Variants in TMEM144 observed in about 807,000 individuals in gnomAD.
The protein encoded by TMEM144 is transmembrane protein 144.
Under a neutral mutation model 43.6 loss-of-function variants are expected in TMEM144, and 39 were observed. The ratio of observed to expected loss-of-function variants is 0.90; its 90% CI spans 0.69 to 1.17. The LOEUF is 1.17. Ranked by LOEUF, TMEM144 falls within the 50% of genes most tolerant of loss-of-function variation. The probability of loss-of-function intolerance (pLI) is 0.00; values close to 1 mark genes in which losing one functional copy is unlikely to be tolerated. For synonymous variants in TMEM144, 154 were observed against 133.6 expected (o/e 1.15, Z -1.06); for missense variants, 417 against 411.9 (o/e 1.01, Z -0.11).
chr4:158,222,439 C>T (rs1435616146), intron 6 of TMEM144, among the ~76,000 whole-genome samples: 3 of 152,198 alleles, frequency 2.0e-5, no homozygotes, highest in Non-Finnish European at 1.5e-5. Context: ...GCCTTGAAAG[C>T]CTTTTCCTCA....
At chr4:158,211,321 T>C (rs1277926546) in intron 1 of TMEM144, 132 bp from the exon 2 acceptor site, 1 of 152,238 alleles carries the variant, frequency 6.6e-6, no homozygotes, top group African/African-American at 2.4e-5. Flanking sequence ...ATAAAATAAT[T>C]TGCCACTCTT....
rs1305744709 is a variant in TMEM144 at position 158,219,391 on chromosome 4, G to A, written c.413+1G>A. 6.2e-7 allele frequency: 1 copy of A among 1,612,798 alleles called. No individual in the cohort carries two copies. Among genetic ancestry groups the A allele is most frequent in the African/African-American group, 1.3e-5 (1 of 74,896 alleles). ...TTGGAGCTGGGCTATCAGTAGTAAG[G>A]TACACAGTCATTTCTAGTGATTTTG... On this transcript the variant is annotated splice_donor_variant, in intron 6 of 12. Coordinates refer to ENST00000296529, the MANE Select transcript of TMEM144 (RefSeq NM_018342.5). LOFTEE classifies it high-confidence loss of function.
intron 3 of TMEM144, among the ~76,000 whole-genome samples, chr4:158,214,350 G>A (rs776076354): frequency 6.6e-6 from 1 of 152,180 alleles, no homozygotes; most frequent in Non-Finnish European, 1.5e-5. Context: ...TTGTCATGGA[G>A]ATTAGCAGCC....
chr4:158,246,092 C>T (rs1327396756), intron 12 of TMEM144, among the ~76,000 whole-genome samples: 4 of 152,092 alleles, frequency 2.6e-5, no homozygotes, highest in Admixed American at 1.3e-4. Context: ...ATAGTAAGAC[C>T]CTGTCTCCCT....
chr4:158,241,437 C>T, intron 10 of TMEM144, 72 bp from the exon 11 acceptor site: 1 of 1,117,440 alleles, frequency 8.9e-7, no homozygotes, highest in Non-Finnish European at 1.4e-6. Context: ...TTTGATATTC[C>T]TGTTGTAGCT....
intron 12 of TMEM144, among the ~76,000 whole-genome samples, chr4:158,247,278 CATA>C (rs1411533617): frequency 6.6e-6 from 1 of 151,814 alleles, no homozygotes; most frequent in African/African-American, 2.4e-5. Flanking sequence ...TTTCATGAAA[CATA>C]AGAGTTCTCC....
intron 3 of TMEM144, among the ~76,000 whole-genome samples, chr4:158,214,857 C>T (rs1053064752): frequency 6.6e-6 from 1 of 152,122 alleles, no homozygotes; most frequent in East Asian, 1.9e-4. Context: ...CACTCTTGGG[C>T]AGAAAATTCT....
chr4:158,244,392 A>G, intron 12 of TMEM144, 43 bp downstream of exon 12: 1 of 1,542,530 alleles, frequency 6.5e-7, no homozygotes, highest in East Asian at 2.3e-5. Context: ...GGAATGGGGT[A>G]GGCCGGGCGT....
chr4:158,239,380 T>A (rs1452253110), intron 9 of TMEM144, among the ~76,000 whole-genome samples: 1 of 152,204 alleles, frequency 6.6e-6, no homozygotes, highest in African/African-American at 2.4e-5. Flanking sequence ...GTGGCCACAG[T>A]CCCATCTGCT....
Position 158,245,504 on chromosome 4 carries a change from C to T in TMEM144, c.954+1155C>T, listed in dbSNP as rs182154218. On this transcript the variant is annotated intron_variant, in intron 12 of 12. Coordinates refer to ENST00000296529, the MANE Select transcript of TMEM144 (RefSeq NM_018342.5). The stretch of plus-strand genomic sequence containing the variant: ...TCTTAACCTCTCTGTGTGTATAGTC[C>T]TTATCTGAAAATGGGGATAACCAAC... 2.2e-3 allele frequency among the ~76,000 whole-genome samples: 332 copies of T among 152,098 alleles called. 2 individuals are homozygous for T. Among genetic ancestry groups the T allele is most frequent in the African/African-American group, 6.6e-3 (274 of 41,502 alleles).
In TMEM144 at chr4:158,248,451, AC is replaced by A. The variant is rs544916780; in HGVS notation, c.954+4103del. ...AATAACTAACCACATAAATAAATAA[AC>A]AAAAAATCTTATATGTCATCTACAA... is the stretch of plus-strand genomic sequence containing the variant. On this transcript the variant is annotated intron_variant, in intron 12 of 12. Coordinates refer to ENST00000296529, the MANE Select transcript of TMEM144 (RefSeq NM_018342.5). Among the ~76,000 whole-genome samples the A allele has an allele frequency of 2.6e-4, 39 of 152,206 alleles. No individual in the cohort carries two copies. In the East Asian group the frequency reaches 7.0e-3, roughly 27 times the overall value.
rs910358433 is a variant in TMEM144, at chr4:158,211,511, C to T, written c.-124C>T. On this transcript the variant is annotated 5_prime_UTR_variant, in exon 2 of 13. Coordinates refer to ENST00000296529, the MANE Select transcript of TMEM144 (RefSeq NM_018342.5). Reference sequence around the variant, plus strand: ...CTCTGACCTGTTGCACCTCTGTTATCTTGGCACCTCTGTTATCTTAGCAGC... The same window carrying T: ...CTCTGACCTGTTGCACCTCTGTTATTTTGGCACCTCTGTTATCTTAGCAGC... 1 of 152,234 alleles carries T rather than the reference C, an allele frequency of 6.6e-6. No individual in the cohort carries two copies. The highest frequency in any genetic ancestry group is 1.5e-5 in the Non-Finnish European group (1 of 68,062). The allele number at this position is 152,234 out of a possible 1,614,324, so 9.4% of individuals were successfully genotyped here. A position where few individuals can be genotyped will look rare whatever the true frequency, so the allele number is the denominator to read the frequency against.
chr4:158,214,123 AC>A (rs1254235382), intron 3 of TMEM144: 1 of 151,956 alleles, frequency 6.6e-6, no homozygotes, highest in Non-Finnish European at 1.5e-5. Flanking sequence ...AGCAACCTCC[AC>A]CTTTAGGGTT....
chr4:158,229,182 C>T (rs867694627), intron 6 of TMEM144, among the ~76,000 whole-genome samples: 6 of 152,118 alleles, frequency 3.9e-5, no homozygotes, highest in Non-Finnish European at 7.3e-5. Context: ...CCTTTAGTTT[C>T]GCTTCTCTTC....
At chr4:158,216,780 T>C (rs1361388606) in intron 4 of TMEM144, among the ~76,000 whole-genome samples, 2 of 151,770 alleles carry the variant, frequency 1.3e-5, no homozygotes, top group African/African-American at 4.8e-5. Context: ...GAAGACATCA[T>C]GGAATCCTAA....
intron 3 of TMEM144, chr4:158,213,074 C>T (rs1734041310): frequency 2.1e-6 from 1 of 468,774 alleles, no homozygotes; most frequent in Non-Finnish European, 3.8e-6. Flanking sequence ...GTTTTGAAAA[C>T]ATGAATCTTC....
intron 12 of TMEM144, among the ~76,000 whole-genome samples, chr4:158,245,722 T>G (rs1234323277): frequency 6.6e-6 from 1 of 152,054 alleles, no homozygotes; most frequent in African/African-American, 2.4e-5. Flanking sequence ...CCCAGGAGTT[T>G]GAGACCAGCC....
intron 6 of TMEM144, among the ~76,000 whole-genome samples, chr4:158,228,841 C>CTGTCTTAAGAGCCAAGCTCCCCAAG (rs1734913588): frequency 6.6e-6 from 1 of 152,156 alleles, no homozygotes; most frequent in African/African-American, 2.4e-5. Flanking sequence ...GGCAAGACTC[C>CTGTCTTAAGAGCCAAGCTCCCCAAG]TGTCTTAAGA....
rs1389913375 is a variant in TMEM144 at position 158,254,203 on chromosome 4, A to G, written c.*676A>G. ...TCATCATTGAGAAAATGTGCATAAC[A>G]TAATACATACATACACAAGTATATT... On this transcript the variant is annotated 3_prime_UTR_variant, in exon 13 of 13. Transcript: ENST00000296529. The G allele has an allele frequency of 6.6e-6, 1 of 152,276 alleles. No individual in the cohort carries two copies. The highest frequency in any genetic ancestry group is 1.5e-5 in the Non-Finnish European group (1 of 68,080). The allele number at this position is 152,276 out of a possible 1,614,324, so 9.4% of individuals were successfully genotyped here.
Sources: allele counts gnomAD v4.1 joint callset (sites outside exome capture counted in the v4.1 genomes callset), GRCh38; gene constraint gnomAD v4.1.1; transcripts MANE v1.5; gene names NCBI Gene and HGNC (gene_info 2026-07-23, HGNC 2026-07-21).